Variants in RASGRP3 observed in about 807,000 individuals in gnomAD.
RASGRP3 encodes ras guanyl-releasing protein 3.
Under a neutral mutation model 82.7 loss-of-function variants are expected in RASGRP3, and 54 were observed. The ratio of observed to expected loss-of-function variants is 0.65; its 90% CI spans 0.52 to 0.82. The LOEUF is 0.82. RASGRP3 is among the 40% of genes least tolerant of loss of function. The pLI, the probability that RASGRP3 is intolerant of heterozygous loss-of-function variation, is 0.00. For synonymous variants in RASGRP3, 309 were observed against 300.5 expected (o/e 1.03, Z -0.29); for missense variants, 861 against 828.9 (o/e 1.04, Z -0.48).
chr2:33,475,611 G>A (rs148108052), upstream of RASGRP3, among the ~76,000 whole-genome samples: 892 of 152,234 alleles, frequency 5.9e-3, 9 homozygotes, highest in African/African-American at 0.021. Context: ...ACACTGATTC[G>A]GGGAAGTGTC....
chr2:33,484,070 T>G (rs1038757299), intron 1 of RASGRP3, among the ~76,000 whole-genome samples: 3 of 152,168 alleles, frequency 2.0e-5, no homozygotes, highest in African/African-American at 7.2e-5. Context: ...AAATTTCCCC[T>G]CCATCCAGCA....
intron 12 of RASGRP3, 105 bp from the exon 13 acceptor site, chr2:33,543,407 C>T (rs1361598633): frequency 1.5e-6 from 1 of 659,958 alleles, no homozygotes. Flanking sequence ...TAGATTCTAA[C>T]CTCCTTGATA....
intron 4 of RASGRP3, among the ~76,000 whole-genome samples, chr2:33,519,735 T>C (rs147426870): frequency 6.6e-6 from 1 of 152,186 alleles, no homozygotes. Flanking sequence ...GTAAGTGGCT[T>C]CTTCTTCAGA....
chr2:33,461,956 G>T (rs1252005973), intron 2 of RASGRP3, among the ~76,000 whole-genome samples: 1 of 152,212 alleles, frequency 6.6e-6, no homozygotes, highest in Non-Finnish European at 1.5e-5. Flanking sequence ...TGAGCAAGGG[G>T]TTTGGCACTA....
intron 1 of RASGRP3, among the ~76,000 whole-genome samples, chr2:33,507,109 A>G (rs540228327): frequency 2.6e-5 from 4 of 152,354 alleles, no homozygotes; most frequent in African/African-American, 9.6e-5. Context: ...AATATAGTCA[A>G]CTGAGGCCAG....
At chr2:33,482,235 C>T (rs989638245) in intron 1 of RASGRP3, 5 of 152,128 alleles carry the variant, frequency 3.3e-5, no homozygotes, top group African/African-American at 7.3e-5. Context: ...AGGATGGTCT[C>T]GATTTCCTGA....
intron 1 of RASGRP3, among the ~76,000 whole-genome samples, chr2:33,507,511 C>T (rs1332445221): frequency 6.6e-6 from 1 of 152,076 alleles, no homozygotes; most frequent in East Asian, 1.9e-4. Flanking sequence ...TATTTTGGAT[C>T]AAGTCAAAGG....
At chr2:33,524,880 C>G (rs981971756) in intron 9 of RASGRP3, among the ~76,000 whole-genome samples, 19 of 151,776 alleles carry the variant, frequency 1.3e-4, no homozygotes, top group African/African-American at 4.6e-4. Flanking sequence ...GAGATCTATA[C>G]CATCCTGGCT....
intron 13 of RASGRP3, among the ~76,000 whole-genome samples, chr2:33,544,499 A>G (rs1195937327): frequency 6.8e-6 from 1 of 147,706 alleles, no homozygotes; most frequent in African/African-American, 2.4e-5. Context: ...AACCCAACTC[A>G]TTAAAAGAAA....
intron 1 of RASGRP3, among the ~76,000 whole-genome samples, chr2:33,484,021 T>A (rs1158588265): frequency 6.6e-6 from 1 of 151,930 alleles, no homozygotes; most frequent in Non-Finnish European, 1.5e-5. Context: ...AAAAAAAAAA[T>A]TGGCTTAGTC....
At chr2:33,473,721 C>G (rs1186525492), upstream of RASGRP3, among the ~76,000 whole-genome samples, 1 of 152,194 alleles carries the variant, frequency 6.6e-6, no homozygotes, top group Non-Finnish European at 1.5e-5. Flanking sequence ...GGTCCTGGGT[C>G]TTGGCCTCTG....
intron 1 of RASGRP3, among the ~76,000 whole-genome samples, chr2:33,508,071 A>T (rs548958390): frequency 3.9e-5 from 6 of 152,330 alleles, no homozygotes; most frequent in African/African-American, 1.4e-4. Flanking sequence ...ATCAGAATCA[A>T]GGATAATTCC....
At chr2:33,559,517 G>T in intron 17 of RASGRP3, 1 of 464,770 alleles carries the variant, frequency 2.2e-6, no homozygotes. Flanking sequence ...GAGATACGAG[G>T]CCCTTGAGGA....
intron 17 of RASGRP3, among the ~76,000 whole-genome samples, chr2:33,561,998 GCTGA>G (rs1676713413): frequency 6.6e-6 from 1 of 152,100 alleles, no homozygotes; most frequent in Admixed American, 6.6e-5. Flanking sequence ...GTTGGGAAAT[GCTGA>G]CTAAATAAAA....
At position 33,524,665 on chromosome 2, in the gene RASGRP3, G is replaced by A; in HGVS notation, c.807+117G>A. 2.7e-6 allele frequency: 2 copies of A among 747,948 alleles called. 1 individual carries two copies. The highest frequency in any genetic ancestry group is 3.9e-5 in the South Asian group (2 of 51,680). The allele number at this position is 747,948 out of a possible 1,614,324, so 46.3% of individuals were successfully genotyped here. A position where few individuals can be genotyped will look rare whatever the true frequency, so the allele number is the denominator to read the frequency against. On this transcript the variant is annotated intron_variant, in intron 9 of 17. Coordinates refer to ENST00000403687, the MANE Select transcript of RASGRP3 (RefSeq NM_001139488.2). ...GGAAAGTTTTCCTCTTAAACCAGTGGTAGGTTATAAATGGGGACAAAGTAG... is the reference window on the plus strand; with the variant it reads ...GGAAAGTTTTCCTCTTAAACCAGTGATAGGTTATAAATGGGGACAAAGTAG...
At chr2:33,522,134 TAAC>T (rs753388849) in intron 7 of RASGRP3, 32 bp downstream of exon 7, 4 of 1,582,132 alleles carry the variant, frequency 2.5e-6, no homozygotes, top group Non-Finnish European at 3.4e-6. Flanking sequence ...CTTCCAAGGA[TAAC>T]AACCACCATG....
chr2:33,459,228 G>A (rs1030362840), intron 2 of RASGRP3, among the ~76,000 whole-genome samples: 11 of 151,946 alleles, frequency 7.2e-5, no homozygotes, highest in Non-Finnish European at 1.3e-4. Flanking sequence ...TCTGCCTCCC[G>A]GGTTCAAGCC....
intron 12 of RASGRP3, among the ~76,000 whole-genome samples, chr2:33,542,878 C>T (rs866883586): frequency 4.0e-5 from 6 of 151,894 alleles, no homozygotes; most frequent in Non-Finnish European, 5.9e-5. Context: ...TTTTTAGTAG[C>T]GATGGGGTTT....
intron 1 of RASGRP3, among the ~76,000 whole-genome samples, chr2:33,507,671 A>C (rs751519020): frequency 6.6e-6 from 1 of 152,054 alleles, no homozygotes; most frequent in Admixed American, 6.5e-5. Context: ...GATTACAGGC[A>C]TGTGCCACCA....
Sources: gnomAD v4.1 joint callset for allele counts (sites outside exome capture counted in the v4.1 genomes callset) on GRCh38, gnomAD v4.1.1 for gene constraint, MANE v1.5 for transcripts, NCBI Gene and HGNC (gene_info 2026-07-23, HGNC 2026-07-21) for gene names.